The following TBC1D5 variants were observed in gnomAD, a reference collection of about 807,000 sequenced individuals.
TBC1D5 encodes TBC1 domain family member 5.
Under a neutral mutation model 100.3 loss-of-function variants are expected in TBC1D5, and 75 were observed. The observed-to-expected ratio is 0.75, with a 90% CI of 0.62 to 0.91. TBC1D5 has a LOEUF of 0.91. Among genes scored for constraint, TBC1D5 ranks in the 40% least tolerant of loss-of-function variants. The probability of loss-of-function intolerance (pLI) is 0.00; values close to 1 mark genes in which losing one functional copy is unlikely to be tolerated. For synonymous variants in TBC1D5, 323 were observed against 325.6 expected (o/e 0.99, Z 0.09); for missense variants, 910 against 942.4 (o/e 0.97, Z 0.45).
intron 14 of TBC1D5, among the ~76,000 whole-genome samples, chr3:17,295,434 T>A (rs577600372): frequency 1.3e-5 from 2 of 152,334 alleles, no homozygotes; most frequent in East Asian, 3.9e-4. Context: ...TACCTCCATA[T>A]GAGGCAGAGC....
intron 18 of TBC1D5, among the ~76,000 whole-genome samples, chr3:17,210,615 A>G (rs1382377437): frequency 6.6e-6 from 1 of 152,156 alleles, no homozygotes; most frequent in African/African-American, 2.4e-5. Context: ...AAGTCAGTAA[A>G]ATTCTTTTGT....
intron 2 of TBC1D5, among the ~76,000 whole-genome samples, chr3:17,580,449 G>A (rs2096686593): frequency 6.6e-6 from 1 of 152,126 alleles, no homozygotes; most frequent in South Asian, 2.1e-4. Context: ...ATAGTACAAA[G>A]ATCAACCAAA....
intron 3 of TBC1D5, among the ~76,000 whole-genome samples, chr3:17,481,468 A>G (rs2095501218): frequency 6.6e-6 from 1 of 152,182 alleles, no homozygotes; most frequent in African/African-American, 2.4e-5. Context: ...GTAGCCCATG[A>G]CAACTTAAGC....
intron 1 of TBC1D5, among the ~76,000 whole-genome samples, chr3:17,673,451 C>G (rs762513088): frequency 6.6e-6 from 1 of 151,170 alleles, no homozygotes; most frequent in Non-Finnish European, 1.5e-5. Flanking sequence ...CCTGAGACTA[C>G]AGGCATGTGC....
Position 17,342,069 on chromosome 3 carries a change from A to G in TBC1D5, c.995+30006T>C, listed in dbSNP as rs2089056787. 2.0e-5 allele frequency among the ~76,000 whole-genome samples: 3 copies of G among 152,184 alleles called. No homozygotes were observed. The South Asian group carries it at 6.2e-4, about 32-fold the overall frequency. ...TTATTTAGGGCCATTCTGCTGCCACAGATATCTTTCTAAGATATAAATATG... is the reference window on the plus strand; with the variant it reads ...TTATTTAGGGCCATTCTGCTGCCACGGATATCTTTCTAAGATATAAATATG... On this transcript the variant is annotated intron_variant, in intron 13 of 21. Coordinates refer to ENST00000253692, the Ensembl canonical transcript of TBC1D5.
chr3:17,213,138 C>CA (rs1230168342), intron 18 of TBC1D5, among the ~76,000 whole-genome samples: 1 of 152,056 alleles, frequency 6.6e-6, no homozygotes. Flanking sequence ...TGTTTAGATA[C>CA]AAAAATACTT....
intron 1 of TBC1D5, among the ~76,000 whole-genome samples, chr3:17,732,017 TAA>T (rs2076600796): frequency 6.6e-6 from 1 of 152,138 alleles, no homozygotes; most frequent in Non-Finnish European, 1.5e-5. Context: ...GTTGGAGGTC[TAA>T]GATAACAGAC....
At chr3:17,654,342 T>C (rs2065858539) in intron 1 of TBC1D5, among the ~76,000 whole-genome samples, 1 of 152,220 alleles carries the variant, frequency 6.6e-6, no homozygotes, top group Non-Finnish European at 1.5e-5. Flanking sequence ...AAAAAAAATT[T>C]TGATATGTAA....
At chr3:17,486,151 T>C in intron 3 of TBC1D5, among the ~76,000 whole-genome samples, 1 of 152,198 alleles carries the variant, frequency 6.6e-6, no homozygotes. Flanking sequence ...TTTTGAGAAG[T>C]GTCGGTTCAT....
At chr3:17,271,799 G>GT (rs527377360) in intron 15 of TBC1D5, among the ~76,000 whole-genome samples, 240 of 152,162 alleles carry the variant, frequency 1.6e-3, no homozygotes, top group African/African-American at 5.2e-3. Flanking sequence ...TTTCTCGAGG[G>GT]TTTTTTATCA....
At chr3:17,455,530 A>ATATG (rs1553764168) in intron 3 of TBC1D5, among the ~76,000 whole-genome samples, 18 of 143,354 alleles carry the variant, frequency 1.3e-4, no homozygotes, top group African/African-American at 2.7e-4. Context: ...ATATATATAT[A>ATATG]TGTGTGTGTG....
intron 3 of TBC1D5, among the ~76,000 whole-genome samples, chr3:17,488,154 C>A (rs1270943304): frequency 1.3e-5 from 2 of 152,086 alleles, no homozygotes; most frequent in Non-Finnish European, 2.9e-5. Context: ...TTTCCTGGGC[C>A]CCTTGGCAAC....
chr3:17,737,147 A>C (rs1182220020), intron 1 of TBC1D5, among the ~76,000 whole-genome samples: 1 of 151,898 alleles, frequency 6.6e-6, no homozygotes, highest in Non-Finnish European at 1.5e-5. Flanking sequence ...GCTTATTCCA[A>C]CTCCATCAGG....
At chr3:17,372,546 A>G (rs1253360891) in intron 12 of TBC1D5, among the ~76,000 whole-genome samples, 1 of 152,190 alleles carries the variant, frequency 6.6e-6, no homozygotes, top group Non-Finnish European at 1.5e-5. Flanking sequence ...TGTGTTGTCT[A>G]AGCCACTTTT....
At chr3:17,705,393 T>A (rs151010079) in intron 1 of TBC1D5, among the ~76,000 whole-genome samples, 5 of 130,692 alleles carry the variant, frequency 3.8e-5, no homozygotes. Flanking sequence ...CGGGCGGAGA[T>A]GCTCCTCACT....
intron 15 of TBC1D5, among the ~76,000 whole-genome samples, chr3:17,263,234 A>C (rs1359404444): frequency 6.6e-6 from 1 of 151,728 alleles, no homozygotes; most frequent in African/African-American, 2.4e-5. Flanking sequence ...ATGGTGGCAC[A>C]TGCCTGTAGT....
intron 19 of TBC1D5, among the ~76,000 whole-genome samples, chr3:17,182,637 G>A (rs1470550817): frequency 6.6e-6 from 1 of 152,110 alleles, no homozygotes; most frequent in Non-Finnish European, 1.5e-5. Flanking sequence ...GTCAAGTAAT[G>A]CAAAGGTCAT....
chr3:17,668,887 G>T (rs1013101005), intron 1 of TBC1D5, among the ~76,000 whole-genome samples: 1 of 152,106 alleles, frequency 6.6e-6, no homozygotes, highest in African/African-American at 2.4e-5. Flanking sequence ...GAGTGTGGAG[G>T]CAGTCAGATC....
At chr3:17,584,524 A>G (rs751723824) in intron 2 of TBC1D5, among the ~76,000 whole-genome samples, 1 of 152,240 alleles carries the variant, frequency 6.6e-6, no homozygotes, top group Non-Finnish European at 1.5e-5. Flanking sequence ...ATGAGGTTCA[A>G]TAATTCTTTA....
Sources: gnomAD v4.1 joint callset for allele counts (sites outside exome capture counted in the v4.1 genomes callset) on GRCh38, gnomAD v4.1.1 for gene constraint, MANE v1.5 for transcripts, NCBI Gene and HGNC (gene_info 2026-07-23, HGNC 2026-07-21) for gene names.